POC1A: variants seen among roughly 807,000 people sequenced by gnomAD.
The protein encoded by POC1A is POC1 centriolar protein homolog A.
Under a neutral mutation model 47.8 loss-of-function variants are expected in POC1A, and 34 were observed. The observed-to-expected ratio is 0.71, with a 90% CI of 0.54 to 0.95. The LOEUF is 0.95. Among genes scored for constraint, POC1A ranks in the 40% least tolerant of loss-of-function variants. The pLI is 0.00. For synonymous variants in POC1A, 177 were observed against 207.6 expected (o/e 0.85, Z 1.27); for missense variants, 466 against 528.3 (o/e 0.88, Z 1.16).
intron 9 of POC1A, among the ~76,000 whole-genome samples, chr3:52,116,975 C>A (rs1703586900): frequency 6.6e-6 from 1 of 152,116 alleles, no homozygotes; most frequent in African/African-American, 2.4e-5. Flanking sequence ...ATCACCTGAG[C>A]TCTCGAGTTC....
intron 9 of POC1A, among the ~76,000 whole-genome samples, chr3:52,102,289 A>G (rs958473533): frequency 4.6e-5 from 7 of 152,228 alleles, no homozygotes; most frequent in African/African-American, 1.7e-4. Flanking sequence ...TGATGGCGTA[A>G]AACAATCTAA....
intron 10 of POC1A, among the ~76,000 whole-genome samples, chr3:52,089,365 C>G (rs930754024): frequency 6.6e-6 from 1 of 152,128 alleles, no homozygotes; most frequent in African/African-American, 2.4e-5. Flanking sequence ...TGGCACAGAA[C>G]AGACAGTGTC....
chr3:52,135,452 C>A (rs1484933437), intron 7 of POC1A, among the ~76,000 whole-genome samples: 1 of 152,216 alleles, frequency 6.6e-6, no homozygotes, highest in Non-Finnish European at 1.5e-5. Flanking sequence ...GGCACAATCA[C>A]AGATCACTGC....
chr3:52,150,020 C>T, intron 2 of POC1A, 33 bp from the exon 3 acceptor site: 1 of 1,580,668 alleles, frequency 6.3e-7, no homozygotes. Flanking sequence ...TGACCTACAG[C>T]TCTAACAGGC....
chr3:52,146,480 A>G (rs1698367726), intron 5 of POC1A, among the ~76,000 whole-genome samples: 1 of 152,226 alleles, frequency 6.6e-6, no homozygotes, highest in African/African-American at 2.4e-5. Flanking sequence ...CCAGCCCAAC[A>G]AAGAAGGGCA....
At chr3:52,152,897 G>A (rs1358123077) in intron 1 of POC1A, among the ~76,000 whole-genome samples, 7 of 152,202 alleles carry the variant, frequency 4.6e-5, no homozygotes, top group Non-Finnish European at 1.0e-4. Context: ...AGTGAAAGAA[G>A]TCAAACACCA....
chr3:52,135,397 G>A (rs1432684339), intron 7 of POC1A, among the ~76,000 whole-genome samples: 1 of 152,166 alleles, frequency 6.6e-6, no homozygotes, highest in Non-Finnish European at 1.5e-5. Context: ...GGGGTTTTCT[G>A]TTTTGAGACA....
Position 52,149,934 on chromosome 3 carries a change from G to C in POC1A, c.157C>G (p.Arg53Gly). ...TTGTGGCCAGTGAAGCGGTAGGCGC[G>C]TGACTGCGGCTTCATGTGCCAGACC... The part of the protein sequence containing the change: ...LMVWHMKPQS[R>G]AYRFTGHKDA... Residue 53 changes from arginine (R) to glycine (G), a missense_variant, in exon 3 of 11, where the codon CGC becomes GGC. Physicochemically the swap from Arg to Gly is moderately radical, Grantham distance 125. Transcript: ENST00000296484. The C allele has an allele frequency of 1.9e-6, 3 of 1,613,854 alleles. No homozygotes were observed. The highest frequency in any genetic ancestry group is 2.5e-6 in the Non-Finnish European group (3 of 1,180,010).
chr3:52,077,039 C>G (rs950990174), intron 10 of POC1A, among the ~76,000 whole-genome samples: 1 of 152,278 alleles, frequency 6.6e-6, no homozygotes, highest in Non-Finnish European at 1.5e-5. Flanking sequence ...AAGCCTGCCC[C>G]ACTCATCACT....
intron 9 of POC1A, among the ~76,000 whole-genome samples, chr3:52,110,380 G>T (rs570420391): frequency 1.3e-5 from 2 of 152,158 alleles, no homozygotes; most frequent in Non-Finnish European, 2.9e-5. Flanking sequence ...AAGGATGAGC[G>T]CAACAACACT....
intron 8 of POC1A, among the ~76,000 whole-genome samples, chr3:52,123,051 C>G (rs921354493): frequency 2.0e-5 from 3 of 152,242 alleles, no homozygotes; most frequent in Non-Finnish European, 4.4e-5. Context: ...AGGGACTCAA[C>G]CTTGTGCCTC....
chr3:52,131,696 C>T (rs555872480), intron 7 of POC1A, among the ~76,000 whole-genome samples: 3 of 152,262 alleles, frequency 2.0e-5, no homozygotes, highest in South Asian at 2.1e-4. Context: ...GAGTCTGGGT[C>T]GGGGAGTCTC....
At chr3:52,143,503 T>C (rs1698265988) in intron 6 of POC1A, among the ~76,000 whole-genome samples, 1 of 152,152 alleles carries the variant, frequency 6.6e-6, no homozygotes, top group South Asian at 2.1e-4. Context: ...ACGGGGTTCA[T>C]ACCTCTCACT....
chr3:52,118,600 C>T lies in POC1A; in HGVS notation c.981+3779G>A, dbSNP rs551873533. Among the ~76,000 whole-genome samples, 234 of 152,276 alleles carry T rather than the reference C, an allele frequency of 1.5e-3. 1 individual carries two copies. The highest frequency in any genetic ancestry group is 5.4e-3 in the African/African-American group (224 of 41,536). ...CATAGGCTCACAGGGCTGCCCTTGC[C>T]GTGGTCTGCTAGTGGGTAAGTAAAG... On this transcript the variant is annotated intron_variant, in intron 9 of 10. Transcript: ENST00000296484.
chr3:52,077,747 C>G (rs140036407), intron 10 of POC1A, among the ~76,000 whole-genome samples: 2 of 152,192 alleles, frequency 1.3e-5, no homozygotes, highest in East Asian at 3.9e-4. Context: ...TTTCCGATGG[C>G]CCCAAACTCA....
chr3:52,110,227 A>G (rs1371653200), intron 9 of POC1A, among the ~76,000 whole-genome samples: 1 of 152,248 alleles, frequency 6.6e-6, no homozygotes, highest in Non-Finnish European at 1.5e-5. Context: ...GAGAAAAGTT[A>G]GGTCTGTAAA....
chr3:52,122,867 T>C (rs1248412875), intron 8 of POC1A, among the ~76,000 whole-genome samples: 1 of 152,270 alleles, frequency 6.6e-6, no homozygotes, highest in Non-Finnish European at 1.5e-5. Context: ...CCTCTATTTA[T>C]TTCCTTCATA....
intron 8 of POC1A, 27 bp from the exon 9 acceptor site, chr3:52,122,504 T>G: frequency 7.2e-7 from 1 of 1,385,052 alleles, no homozygotes; most frequent in Non-Finnish European, 1.0e-6. Context: ...GCACACCAAG[T>G]CAGGAGAAGA....
intron 7 of POC1A, among the ~76,000 whole-genome samples, chr3:52,137,446 C>A (rs1290542338): frequency 1.3e-5 from 2 of 152,158 alleles, no homozygotes; most frequent in Non-Finnish European, 2.9e-5. Flanking sequence ...GACCTCCCAT[C>A]TCAAGTGGGC....
Sources: gnomAD v4.1 joint callset for allele counts (sites outside exome capture counted in the v4.1 genomes callset) on GRCh38, gnomAD v4.1.1 for gene constraint, MANE v1.5 for transcripts, NCBI Gene and HGNC (gene_info 2026-07-23, HGNC 2026-07-21) for gene names.